The following GRID1 variants were observed in gnomAD, a reference collection of about 807,000 sequenced individuals.
GRID1 encodes glutamate ionotropic receptor delta type subunit 1.
Under a neutral mutation model 98.0 loss-of-function variants are expected in GRID1, and 28 were observed. That is an observed-to-expected ratio of 0.29 (90% confidence interval 0.21 to 0.39). The LOEUF (loss-of-function observed/expected upper bound fraction) is 0.39. Ranked by LOEUF, GRID1 falls within the 10% of genes least tolerant of loss-of-function variation. GRID1 has a pLI of 1.00. For synonymous variants in GRID1, 553 were observed against 538.5 expected (o/e 1.03, Z -0.37); for missense variants, 1,111 against 1,340.5 (o/e 0.83, Z 2.67).
At position 85,668,683 on chromosome 10, in the gene GRID1, C is replaced by A. The variant is rs191884781; in HGVS notation, c.1998-21286G>T. ...GCTAATGAGTCTGCCAGGACTCTGC[C>A]CACACTCAGTGGACTTTGCACAATG... On this transcript the variant is annotated intron_variant, in intron 12 of 15. Transcript: ENST00000327946. Among the ~76,000 whole-genome samples the A allele has an allele frequency of 5.9e-5, 9 of 152,314 alleles. No homozygotes were observed. In the East Asian group the frequency reaches 1.2e-3, roughly 20 times the overall value.
At chr10:85,950,662 A>C (rs548981651) in intron 4 of GRID1, among the ~76,000 whole-genome samples, 1 of 152,280 alleles carries the variant, frequency 6.6e-6, no homozygotes, top group African/African-American at 2.4e-5. Flanking sequence ...CTCTAATTTT[A>C]ATCAGTTCGC....
chr10:85,745,272 C>T (rs1360703508), intron 8 of GRID1, among the ~76,000 whole-genome samples: 2 of 35,408 alleles, frequency 5.6e-5, no homozygotes, highest in African/African-American at 1.1e-4. Flanking sequence ...CACATGCACA[C>T]GTATGTTTAT....
At chr10:85,947,717 C>T (rs1366841900) in intron 4 of GRID1, among the ~76,000 whole-genome samples, 2 of 152,230 alleles carry the variant, frequency 1.3e-5, no homozygotes, top group Non-Finnish European at 2.9e-5. Context: ...AGAGAGGATG[C>T]TGAAGAAGTG....
chr10:85,686,805 G>A (rs573343055), intron 12 of GRID1, among the ~76,000 whole-genome samples: 1 of 151,884 alleles, frequency 6.6e-6, no homozygotes, highest in Admixed American at 6.6e-5. Flanking sequence ...ACATTAAAGT[G>A]TTTTCTACAA....
At chr10:85,803,018 A>C (rs12245530) in intron 8 of GRID1, among the ~76,000 whole-genome samples, 20,658 of 152,010 alleles carry the variant, frequency 0.14, 2,696 homozygotes, top group African/African-American at 0.32. Flanking sequence ...TACAATAAAA[A>C]TTGTTTTCCA....
intron 4 of GRID1, among the ~76,000 whole-genome samples, chr10:86,107,327 C>G (rs1021157083): frequency 1.3e-5 from 2 of 152,212 alleles, no homozygotes; most frequent in African/African-American, 4.8e-5. Flanking sequence ...GAGGTGTGCC[C>G]TGATAACAAT....
chr10:86,316,420 G>T (rs1479467087), intron 2 of GRID1, among the ~76,000 whole-genome samples: 2 of 152,244 alleles, frequency 1.3e-5, no homozygotes, highest in Non-Finnish European at 2.9e-5. Context: ...AGAGTCTCCA[G>T]AGATACAACA....
At chr10:86,287,454 G>A (rs914830025) in intron 2 of GRID1, among the ~76,000 whole-genome samples, 2 of 152,114 alleles carry the variant, frequency 1.3e-5, no homozygotes, top group Admixed American at 6.5e-5. Context: ...TTCTGCAACA[G>A]AGAAAAAAAA....
At chr10:86,193,684 C>A (rs1845836083) in intron 3 of GRID1, among the ~76,000 whole-genome samples, 1 of 152,032 alleles carries the variant, frequency 6.6e-6, no homozygotes, top group South Asian at 2.1e-4. Context: ...TCCTGGGACC[C>A]CTCAGCTCAC....
intron 4 of GRID1, among the ~76,000 whole-genome samples, chr10:86,000,099 C>A (rs956071407): frequency 6.6e-6 from 1 of 152,136 alleles, no homozygotes; most frequent in Non-Finnish European, 1.5e-5. Context: ...AAAACAATTT[C>A]TTGAAACAAA....
intron 4 of GRID1, among the ~76,000 whole-genome samples, chr10:85,930,823 T>C (rs1297076677): frequency 6.6e-6 from 1 of 152,136 alleles, no homozygotes; most frequent in African/African-American, 2.4e-5. Context: ...CTCCAGTATC[T>C]TCTAGTATGG....
At chr10:85,802,692 A>C (rs1340127091) in intron 8 of GRID1, among the ~76,000 whole-genome samples, 1 of 151,822 alleles carries the variant, frequency 6.6e-6, no homozygotes. Flanking sequence ...CCAATAAATA[A>C]CTTAAAAGCA....
intron 5 of GRID1, among the ~76,000 whole-genome samples, chr10:85,877,142 G>T: frequency 6.6e-6 from 1 of 152,254 alleles, no homozygotes. Context: ...AGCTCAGGGA[G>T]GCCTGCCTGC....
At chr10:85,982,983 C>T (rs982074690) in intron 4 of GRID1, among the ~76,000 whole-genome samples, 1 of 152,170 alleles carries the variant, frequency 6.6e-6, no homozygotes, top group South Asian at 2.1e-4. Context: ...ACTTTAGAAA[C>T]CTACATGGCA....
chr10:85,978,630 A>G (rs966438631), intron 4 of GRID1, among the ~76,000 whole-genome samples: 2 of 152,036 alleles, frequency 1.3e-5, no homozygotes. Flanking sequence ...AAAAAAGCTA[A>G]CACTTCTTGA....
intron 15 of GRID1, among the ~76,000 whole-genome samples, chr10:85,603,846 G>A (rs1021198469): frequency 1.3e-5 from 2 of 152,198 alleles, no homozygotes; most frequent in African/African-American, 2.4e-5. Context: ...GTGGTCTCAT[G>A]TTGGCATCTT....
At chr10:85,954,108 T>G (rs1842159275) in intron 4 of GRID1, among the ~76,000 whole-genome samples, 1 of 152,174 alleles carries the variant, frequency 6.6e-6, no homozygotes, top group South Asian at 2.1e-4. Context: ...TGTCTGAAAC[T>G]GCCTTGAAAT....
intron 5 of GRID1, 131 bp from the exon 6 acceptor site, chr10:85,869,311 A>G: frequency 1.4e-6 from 1 of 721,210 alleles, no homozygotes; most frequent in Non-Finnish European, 2.5e-6. Context: ...GGCCCAGGTC[A>G]CACAGTTCAT....
intron 4 of GRID1, among the ~76,000 whole-genome samples, chr10:85,922,679 C>T (rs186420007): frequency 6.6e-6 from 1 of 152,196 alleles, no homozygotes; most frequent in African/African-American, 2.4e-5. Context: ...AATGTCACCC[C>T]TCCAAAGCAT....
Sources: allele counts gnomAD v4.1 joint callset (sites outside exome capture counted in the v4.1 genomes callset), GRCh38; gene constraint gnomAD v4.1.1; transcripts MANE v1.5; gene names NCBI Gene and HGNC (gene_info 2026-07-23, HGNC 2026-07-21).